Variants in OR56A3 observed in about 807,000 individuals in gnomAD.
The protein encoded by OR56A3 is olfactory receptor family 56 subfamily A member 3, also known as olfactory receptor 56A3.
In OR56A3, 23 loss-of-function variants were observed where a neutral mutation model predicts 17.5. The ratio of observed to expected loss-of-function variants is 1.32; its 90% confidence interval spans 0.95 to 1.87. The LOEUF is 1.87. OR56A3 is among the 40% of genes most tolerant of loss of function. The probability of loss-of-function intolerance (pLI) is 0.00; values close to 1 mark genes in which losing one functional copy is unlikely to be tolerated. For missense variants in OR56A3, 366 were observed against 380.1 expected (o/e 0.96, Z 0.31); for synonymous variants, 175 against 150.6 (o/e 1.16, Z -1.19).
chr11:6,015,016 T>A, the OR56A3 span, among the ~76,000 whole-genome samples: 1,820 of 27,362 alleles, frequency 0.067, no homozygotes, highest in East Asian at 0.12. Context: ...AAAAAAAAAA[T>A]GACCTGAAAC....
chr11:5,986,728 C>T, the OR56A3 span: 1 of 1,613,928 alleles, frequency 6.2e-7, no homozygotes, highest in East Asian at 2.2e-5. Context: ...TGGGTCCATC[C>T]AGATGATGAA....
downstream of OR56A3, among the ~76,000 whole-genome samples, chr11:5,953,311 C>T (rs1259046692): frequency 2.6e-5 from 4 of 152,240 alleles, no homozygotes; most frequent in East Asian, 7.7e-4. Context: ...CTTGCCAATA[C>T]CTGTTGTTTT....
the OR56A3 span, among the ~76,000 whole-genome samples, chr11:5,995,520 T>C: frequency 1.3e-5 from 2 of 152,192 alleles, no homozygotes; most frequent in Non-Finnish European, 2.9e-5. Flanking sequence ...TTTGGTTCGA[T>C]TTCTGGGTCA....
At chr11:5,965,383 T>C in the OR56A3 span, among the ~76,000 whole-genome samples, 3 of 152,176 alleles carry the variant, frequency 2.0e-5, no homozygotes, top group Admixed American at 1.3e-4. Flanking sequence ...AAGTAACACA[T>C]CTTACCCGTG....
At chr11:6,011,537 C>T in the OR56A3 span, among the ~76,000 whole-genome samples, 103,136 of 151,908 alleles carry the variant, frequency 0.68, 35,332 homozygotes, top group East Asian at 0.93. Flanking sequence ...GCATTCAATT[C>T]ATCCTGAAAG....
the OR56A3 span, among the ~76,000 whole-genome samples, chr11:5,978,476 T>C: frequency 6.6e-6 from 1 of 152,160 alleles, no homozygotes; most frequent in Non-Finnish European, 1.5e-5. Flanking sequence ...TTTGTGGCTA[T>C]TGTAATGGGA....
the OR56A3 span, among the ~76,000 whole-genome samples, chr11:5,976,251 A>G: frequency 6.6e-6 from 1 of 151,986 alleles, no homozygotes; most frequent in South Asian, 2.1e-4. Flanking sequence ...AAGGAAAAGA[A>G]AAGGAACTTT....
the OR56A3 span, among the ~76,000 whole-genome samples, chr11:6,011,205 T>A: frequency 6.9e-6 from 1 of 145,896 alleles, no homozygotes; most frequent in African/African-American, 2.5e-5. Context: ...AGATTTATTT[T>A]ATATATATAT....
the OR56A3 span, among the ~76,000 whole-genome samples, chr11:5,960,698 G>A: frequency 6.6e-6 from 1 of 152,092 alleles, no homozygotes; most frequent in African/African-American, 2.4e-5. Context: ...AGGAAGTGAG[G>A]AGCGTCTCTG....
the OR56A3 span, among the ~76,000 whole-genome samples, chr11:6,008,599 G>C: frequency 6.6e-6 from 1 of 151,836 alleles, no homozygotes; most frequent in African/African-American, 2.4e-5. Flanking sequence ...GGCAATGTTA[G>C]AGACTCTCAG....
At chr11:5,967,769 A>G in the OR56A3 span, 1 of 1,596,670 alleles carries the variant, frequency 6.3e-7, no homozygotes, top group South Asian at 1.1e-5. Flanking sequence ...AACCACAAGT[A>G]CCTAGAGCTT....
At chr11:5,965,363 G>A in the OR56A3 span, among the ~76,000 whole-genome samples, 1 of 152,146 alleles carries the variant, frequency 6.6e-6, no homozygotes, top group African/African-American at 2.4e-5. Flanking sequence ...TATTGAGATT[G>A]GTGAGTCAAA....
the OR56A3 span, among the ~76,000 whole-genome samples, chr11:6,015,672 G>A: frequency 4.6e-5 from 7 of 152,204 alleles, no homozygotes; most frequent in Admixed American, 4.6e-4. Flanking sequence ...GGAGTCAAAG[G>A]AGATTATTCT....
the OR56A3 span, among the ~76,000 whole-genome samples, chr11:5,990,818 T>A: frequency 6.6e-6 from 1 of 152,200 alleles, no homozygotes; most frequent in African/African-American, 2.4e-5. Context: ...TTTGATGATG[T>A]GCCCTTTAAA....
chr11:5,985,746 A>G, the OR56A3 span: 1 of 554,220 alleles, frequency 1.8e-6, no homozygotes, highest in Non-Finnish European at 3.1e-6. Context: ...TGGCAAAAAT[A>G]TTCACAAATC....
chr11:6,005,482 A>T, the OR56A3 span, among the ~76,000 whole-genome samples: 1 of 152,214 alleles, frequency 6.6e-6, no homozygotes, highest in Admixed American at 6.5e-5. Flanking sequence ...GATCCTTAGA[A>T]GTCTGTCTGA....
At chr11:5,987,679 C>G in the OR56A3 span, among the ~76,000 whole-genome samples, 2 of 152,136 alleles carry the variant, frequency 1.3e-5, no homozygotes, top group Admixed American at 1.3e-4. Flanking sequence ...AAACTTGGAA[C>G]CTGTCTTTAC....
At chr11:5,984,844 C>T in the OR56A3 span, among the ~76,000 whole-genome samples, 6 of 152,140 alleles carry the variant, frequency 3.9e-5, no homozygotes, top group Non-Finnish European at 5.9e-5. Context: ...TCTTATCTCC[C>T]GAGCATCTTA....
the OR56A3 span, among the ~76,000 whole-genome samples, chr11:5,962,502 TC>T: frequency 0.26 from 39,669 of 150,908 alleles, 5,536 homozygotes; most frequent in East Asian, 0.46. Flanking sequence ...GTATAATTCA[TC>T]AGTGAAGCCA....
Sources: allele counts gnomAD v4.1 joint callset (sites outside exome capture counted in the v4.1 genomes callset), GRCh38; gene constraint gnomAD v4.1.1; transcripts MANE v1.5; gene names NCBI Gene and HGNC (gene_info 2026-07-23, HGNC 2026-07-21).